Variants in LRRC4C observed in about 807,000 individuals in gnomAD.
The protein encoded by LRRC4C is leucine rich repeat containing 4C.
In LRRC4C, 5 loss-of-function variants were observed where a neutral mutation model predicts 33.6. That is an observed-to-expected ratio of 0.15 (90% CI 0.08 to 0.31). The LOEUF (loss-of-function observed/expected upper bound fraction) is 0.31. Ranked by LOEUF, LRRC4C falls within the 10% of genes least tolerant of loss-of-function variation. The probability of loss-of-function intolerance (pLI) is 1.00; values close to 1 mark genes in which losing one functional copy is unlikely to be tolerated. For synonymous variants in LRRC4C, 329 were observed against 302.0 expected (o/e 1.09, Z -0.93); for missense variants, 560 against 796.7 (o/e 0.70, Z 3.58).
At chr11:40,923,012 A>T (rs1268283737) in intron 2 of LRRC4C, among the ~76,000 whole-genome samples, 1 of 152,108 alleles carries the variant, frequency 6.6e-6, no homozygotes, top group Admixed American at 6.5e-5. Context: ...TTTAGTAGAG[A>T]CAGGGTTTCA....
At chr11:41,111,375 C>T (rs1388292282) in intron 1 of LRRC4C, among the ~76,000 whole-genome samples, 2 of 152,080 alleles carry the variant, frequency 1.3e-5, no homozygotes, top group East Asian at 3.9e-4. Flanking sequence ...TGTTCCTAGC[C>T]CAGGGACAGA....
chr11:41,111,279 C>T (rs73477408), intron 1 of LRRC4C, among the ~76,000 whole-genome samples: 2,945 of 152,114 alleles, frequency 0.019, 81 homozygotes, highest in African/African-American at 0.068. Context: ...CTCTTTGCAG[C>T]TGTAAGTAAT....
At chr11:40,674,002 A>G (rs1366978459) in intron 2 of LRRC4C, among the ~76,000 whole-genome samples, 1 of 152,200 alleles carries the variant, frequency 6.6e-6, no homozygotes, top group African/African-American at 2.4e-5. Context: ...CTCAATGCTC[A>G]GTCATCATCT....
intron 1 of LRRC4C, among the ~76,000 whole-genome samples, chr11:41,294,946 G>A (rs964790749): frequency 5.3e-5 from 8 of 152,172 alleles, no homozygotes; most frequent in Admixed American, 5.2e-4. Context: ...TTTGCCCATA[G>A]TATTGGTGAT....
intron 3 of LRRC4C, among the ~76,000 whole-genome samples, chr11:40,541,163 G>T (rs1006563424): frequency 3.3e-5 from 5 of 152,096 alleles, no homozygotes; most frequent in Non-Finnish European, 5.9e-5. Flanking sequence ...TAACTTGGGG[G>T]CTAATATTTT....
intron 1 of LRRC4C, among the ~76,000 whole-genome samples, chr11:41,411,207 G>T (rs1168257613): frequency 7.8e-6 from 1 of 128,360 alleles, no homozygotes; most frequent in Non-Finnish European, 1.6e-5. Flanking sequence ...GGAGTGCAGT[G>T]GCGCCATCTC....
At chr11:41,381,927 T>C (rs1013962391) in intron 1 of LRRC4C, among the ~76,000 whole-genome samples, 1 of 151,176 alleles carries the variant, frequency 6.6e-6, no homozygotes, top group African/African-American at 2.4e-5. Flanking sequence ...TGTTTGTATA[T>C]ATATATGCAT....
chr11:41,344,977 T>C (rs898368053), intron 1 of LRRC4C, among the ~76,000 whole-genome samples: 1 of 81,362 alleles, frequency 1.2e-5, no homozygotes, highest in Non-Finnish European at 2.8e-5. Context: ...TATTAACTGT[T>C]TTTTTTTCCC....
chr11:41,384,631 A>C (rs1953284586), intron 1 of LRRC4C, among the ~76,000 whole-genome samples: 1 of 151,408 alleles, frequency 6.6e-6, no homozygotes, highest in East Asian at 2.0e-4. Flanking sequence ...TCTGAAGACC[A>C]GATAAAATAT....
At chr11:40,313,327 A>G (rs1171299677) in intron 4 of LRRC4C, among the ~76,000 whole-genome samples, 2 of 152,022 alleles carry the variant, frequency 1.3e-5, no homozygotes, top group Non-Finnish European at 1.5e-5. Flanking sequence ...TGAAAACATG[A>G]CAAATTCACA....
chr11:40,160,175 A>C (rs187993724), intron 5 of LRRC4C, among the ~76,000 whole-genome samples: 1 of 150,262 alleles, frequency 6.7e-6, no homozygotes, highest in Non-Finnish European at 1.5e-5. Context: ...AAGAGTTGCG[A>C]AGATTTTTTT....
In LRRC4C at chr11:41,080,858, A is replaced by G. The variant is rs184652195; in HGVS notation, c.-495-147135T>C. On this transcript the variant is annotated intron_variant, in intron 1 of 6. Coordinates refer to ENST00000528697, the MANE Select transcript of LRRC4C (RefSeq NM_001258419.2). Reference sequence around the variant, plus strand: ...TTATTTATTTATTGTTTCATGGCCAAATTATCCTAGATTTTGTATTTTAGT... The same window carrying G: ...TTATTTATTTATTGTTTCATGGCCAGATTATCCTAGATTTTGTATTTTAGT... Among the ~76,000 whole-genome samples the G allele has an allele frequency of 2.5e-3, 380 of 152,268 alleles. 6 individuals carry two copies. Among genetic ancestry groups the G allele is most frequent in the Non-Finnish European group, 6.3e-4 (43 of 68,022 alleles).
At chr11:41,117,847 T>A (rs570603102) in intron 1 of LRRC4C, among the ~76,000 whole-genome samples, 1 of 152,258 alleles carries the variant, frequency 6.6e-6, no homozygotes, top group African/African-American at 2.4e-5. Context: ...ATTTTACACT[T>A]ATGAGCAGAG....
At chr11:40,625,861 A>C (rs962927528) in intron 3 of LRRC4C, among the ~76,000 whole-genome samples, 2 of 151,950 alleles carry the variant, frequency 1.3e-5, no homozygotes, top group African/African-American at 4.8e-5. Flanking sequence ...TTTTATGTAG[A>C]TTACTTCAAT....
chr11:40,365,934 C>A (rs1590464180), intron 3 of LRRC4C, among the ~76,000 whole-genome samples: 1 of 152,110 alleles, frequency 6.6e-6, no homozygotes, highest in Admixed American at 6.5e-5. Context: ...CGTGCACACA[C>A]TACAAAATTC....
chr11:40,904,742 G>T (rs1337092966), intron 2 of LRRC4C, among the ~76,000 whole-genome samples: 1 of 152,030 alleles, frequency 6.6e-6, no homozygotes, highest in Non-Finnish European at 1.5e-5. Flanking sequence ...TTAGGTTTAT[G>T]TTATCTCTCT....
chr11:40,485,003 G>A (rs926961250), intron 3 of LRRC4C, among the ~76,000 whole-genome samples: 5 of 152,024 alleles, frequency 3.3e-5, no homozygotes, highest in African/African-American at 9.7e-5. Flanking sequence ...AGAAACAGTA[G>A]CACCTCAAAA....
intron 3 of LRRC4C, among the ~76,000 whole-genome samples, chr11:40,493,354 TA>T (rs1954261454): frequency 6.6e-6 from 1 of 152,116 alleles, no homozygotes; most frequent in African/African-American, 2.4e-5. Context: ...ATATGTAAGT[TA>T]AACAAGTCTT....
intron 1 of LRRC4C, among the ~76,000 whole-genome samples, chr11:41,288,752 C>A (rs923372652): frequency 6.6e-6 from 1 of 152,096 alleles, no homozygotes; most frequent in Non-Finnish European, 1.5e-5. Flanking sequence ...TGGGCTAGAG[C>A]TGGGGTCTTA....
Sources: gnomAD v4.1 joint callset for allele counts (sites outside exome capture counted in the v4.1 genomes callset) on GRCh38, gnomAD v4.1.1 for gene constraint, MANE v1.5 for transcripts, NCBI Gene and HGNC (gene_info 2026-07-23, HGNC 2026-07-21) for gene names.